Variants in COL25A1 observed in about 807,000 individuals in gnomAD.
COL25A1 encodes collagen alpha-1(XXV) chain.
In COL25A1, 103 loss-of-function variants were observed where a neutral mutation model predicts 128.4. The observed-to-expected ratio is 0.80, with a 90% CI of 0.68 to 0.94. The LOEUF (loss-of-function observed/expected upper bound fraction) is 0.94. Among genes scored for constraint, COL25A1 ranks in the 40% least tolerant of loss-of-function variants. The probability of loss-of-function intolerance (pLI) is 0.00; values close to 1 mark genes in which losing one functional copy is unlikely to be tolerated. For missense variants in COL25A1, 745 were observed against 840.0 expected, an observed-to-expected ratio of 0.89 and a Z score of 1.40; for synonymous variants, 279 against 277.2, an observed-to-expected ratio of 1.01 and a Z score of -0.06.
intron 13 of COL25A1, among the ~76,000 whole-genome samples, chr4:108,916,014 A>G (rs1744835306): frequency 6.6e-6 from 1 of 152,164 alleles, no homozygotes; most frequent in African/African-American, 2.4e-5. Flanking sequence ...TTATTACTCT[A>G]TTGCCAACTT....
chr4:108,880,791 C>T (rs1354703853), intron 19 of COL25A1, among the ~76,000 whole-genome samples: 1 of 152,066 alleles, frequency 6.6e-6, no homozygotes, highest in Non-Finnish European at 1.5e-5. Context: ...ACTGCTAGGG[C>T]AACATAACCA....
At chr4:109,053,064 A>C (rs2125947457) in intron 3 of COL25A1, among the ~76,000 whole-genome samples, 1 of 152,214 alleles carries the variant, frequency 6.6e-6, no homozygotes, top group South Asian at 2.1e-4. Flanking sequence ...AAGAGAAAAA[A>C]CAGAAGCTAT....
At chr4:109,201,851 G>A (rs1199647347) in intron 3 of COL25A1, among the ~76,000 whole-genome samples, 1 of 151,976 alleles carries the variant, frequency 6.6e-6, no homozygotes, top group Non-Finnish European at 1.5e-5. Flanking sequence ...TGAACAATTA[G>A]AATTTGAAAT....
chr4:109,277,498 A>T (rs1200989829), intron 3 of COL25A1, among the ~76,000 whole-genome samples: 3 of 152,180 alleles, frequency 2.0e-5, no homozygotes, highest in East Asian at 3.9e-4. Context: ...CAGATTTTTT[A>T]AAAATTTTCT....
intron 3 of COL25A1, among the ~76,000 whole-genome samples, chr4:109,264,909 C>T (rs568648436): frequency 3.0e-4 from 45 of 152,140 alleles, no homozygotes; most frequent in Non-Finnish European, 5.1e-4. Context: ...CATCACCTTT[C>T]TTGAAGGAAG....
intron 37 of COL25A1, among the ~76,000 whole-genome samples, chr4:108,816,366 T>A (rs1731250716): frequency 6.6e-6 from 1 of 152,284 alleles, no homozygotes; most frequent in Non-Finnish European, 1.5e-5. Context: ...GCTATAATTT[T>A]GCTAATGAAG....
chr4:109,099,785 A>G (rs1436632915), intron 3 of COL25A1, among the ~76,000 whole-genome samples: 2 of 152,086 alleles, frequency 1.3e-5, no homozygotes, highest in African/African-American at 2.4e-5. Context: ...ACATGAGGGC[A>G]AAAATAGTTA....
chr4:109,183,969 G>T (rs191259912), intron 3 of COL25A1, among the ~76,000 whole-genome samples: 2 of 150,854 alleles, frequency 1.3e-5, no homozygotes, highest in African/African-American at 4.9e-5. Flanking sequence ...TCTTTCAAAG[G>T]TCCTTTCACA....
intron 6 of COL25A1, among the ~76,000 whole-genome samples, chr4:108,977,842 G>A (rs1752587035): frequency 6.6e-6 from 1 of 152,116 alleles, no homozygotes; most frequent in South Asian, 2.1e-4. Flanking sequence ...AAGGTCAACT[G>A]TTACTATAGA....
chr4:109,008,284 C>G (rs1239757171), intron 6 of COL25A1, among the ~76,000 whole-genome samples: 1 of 152,132 alleles, frequency 6.6e-6, no homozygotes, highest in Non-Finnish European at 1.5e-5. Flanking sequence ...CTTCCTTGTC[C>G]CTCTTTGGGA....
rs1296081502 is a variant in COL25A1, at chr4:109,192,341, C to A, written c.367+108242G>T. On this transcript the variant is annotated intron_variant, in intron 3 of 37. Coordinates refer to ENST00000399132, the MANE Select transcript of COL25A1 (RefSeq NM_198721.4). Reference sequence around the variant, plus strand: ...GCAGAGAATTGGGAGTGGGGGGCTGCAACAGTCTAGATAAAAGTGATGAAC... The same window carrying A: ...GCAGAGAATTGGGAGTGGGGGGCTGAAACAGTCTAGATAAAAGTGATGAAC... Among the ~76,000 whole-genome samples the A allele has an allele frequency of 2.6e-5, 4 of 152,094 alleles. No individual in the cohort carries two copies. The East Asian group carries it at 7.7e-4, about 29-fold the overall frequency.
At chr4:109,239,412 ATATATATATATT>A (rs1327197702) in intron 3 of COL25A1, among the ~76,000 whole-genome samples, 3 of 134,854 alleles carry the variant, frequency 2.2e-5, no homozygotes, top group African/African-American at 8.4e-5. Flanking sequence ...ATATATATAT[ATATATATATATT>A]TATTTATTTA....
chr4:109,090,725 T>C (rs969568665), intron 3 of COL25A1, among the ~76,000 whole-genome samples: 5 of 152,182 alleles, frequency 3.3e-5, no homozygotes, highest in Non-Finnish European at 5.9e-5. Flanking sequence ...TAAAATTCCA[T>C]TTGAAAGTTT....
intron 5 of COL25A1, among the ~76,000 whole-genome samples, chr4:109,032,322 T>C (rs750915087): frequency 6.6e-6 from 1 of 152,274 alleles, no homozygotes; most frequent in South Asian, 2.1e-4. Context: ...CATTCTTATA[T>C]GAATTTTTAT....
chr4:108,860,248 T>A (rs1193975856), intron 23 of COL25A1, among the ~76,000 whole-genome samples: 1 of 152,028 alleles, frequency 6.6e-6, no homozygotes, highest in African/African-American at 2.4e-5. Flanking sequence ...TGCACCACCA[T>A]GACCAGCTAG....
intron 3 of COL25A1, among the ~76,000 whole-genome samples, chr4:109,127,543 G>A (rs1768738167): frequency 6.6e-6 from 1 of 151,826 alleles, no homozygotes; most frequent in South Asian, 2.1e-4. Flanking sequence ...GCCCAGGCTG[G>A]TCTCAAACTC....
intron 3 of COL25A1, among the ~76,000 whole-genome samples, chr4:109,117,128 A>G (rs1413428441): frequency 1.3e-5 from 2 of 152,050 alleles, no homozygotes; most frequent in Non-Finnish European, 2.9e-5. Flanking sequence ...TCCAAAATAA[A>G]TGTCAGACAC....
chr4:108,884,801 C>T (rs1355972435), intron 18 of COL25A1, among the ~76,000 whole-genome samples: 1 of 152,164 alleles, frequency 6.6e-6, no homozygotes, highest in Non-Finnish European at 1.5e-5. Flanking sequence ...ATTGTTGAGT[C>T]TGAGCAACCC....
intron 3 of COL25A1, among the ~76,000 whole-genome samples, chr4:109,169,998 T>C (rs1773441761): frequency 6.6e-6 from 1 of 152,092 alleles, no homozygotes; most frequent in African/African-American, 2.4e-5. Context: ...ACATTCATAT[T>C]AATTGTACAA....
Sources: gnomAD v4.1 joint callset for allele counts (sites outside exome capture counted in the v4.1 genomes callset) on GRCh38, gnomAD v4.1.1 for gene constraint, MANE v1.5 for transcripts, NCBI Gene and HGNC (gene_info 2026-07-23, HGNC 2026-07-21) for gene names.